Variants in TNKS observed in about 807,000 individuals in gnomAD.
TNKS encodes tankyrase, also known as poly [ADP-ribose] polymerase tankyrase-1.
A neutral mutation model predicts 135.8 loss-of-function variants in TNKS; 72 were observed. The ratio of observed to expected loss-of-function variants is 0.53; its 90% CI spans 0.44 to 0.64. TNKS has a LOEUF of 0.64. TNKS is among the 30% of genes least tolerant of loss of function. The pLI is 0.00. For missense variants in TNKS, 1,769 were observed against 1,674.0 expected, an observed-to-expected ratio of 1.06 and a Z score of -0.99; for synonymous variants, 849 against 649.3, an observed-to-expected ratio of 1.31 and a Z score of -4.68.
chr8:9,708,966 C>G (rs1804187200), intron 9 of TNKS, among the ~76,000 whole-genome samples: 1 of 146,014 alleles, frequency 6.8e-6, no homozygotes. Context: ...TGATACTATA[C>G]AAATTATTCT....
intron 22 of TNKS, 125 bp downstream of exon 22, chr8:9,763,369 C>T (rs1229008811): frequency 2.0e-6 from 1 of 491,914 alleles, no homozygotes; most frequent in African/African-American, 2.0e-5. Context: ...CTGTCTTAGC[C>T]ACTGTGGTAG....
At chr8:9,581,570 A>G (rs762694830) in intron 2 of TNKS, among the ~76,000 whole-genome samples, 18 of 152,144 alleles carry the variant, frequency 1.2e-4, no homozygotes, top group East Asian at 1.9e-4. Flanking sequence ...AATGATAACT[A>G]TTATTGAGCT....
In TNKS at chr8:9,766,402, C is replaced by T; in HGVS notation, c.3717C>T (p.Asp1239=). Reference sequence around the variant, plus strand: ...GAACAGGCTGCCCTACACACAAGGACAGGTCATGCTATATATGTCACAGGT... The same window carrying T: ...GAACAGGCTGCCCTACACACAAGGATAGGTCATGCTATATATGTCACAGGT... ...GGGTGCPTHK[D]RSCYICHRQM... Residue 1239 remains aspartate, a synonymous_variant, in exon 25 of 27, where the codon GAC becomes GAT. Coordinates refer to ENST00000310430, the MANE Select transcript of TNKS (RefSeq NM_003747.3). 6.2e-7 allele frequency: 1 copy of T among 1,610,672 alleles called. No homozygotes were observed. The highest frequency in any genetic ancestry group is 1.7e-4 in the Middle Eastern group (1 of 6,046).
intron 3 of TNKS, among the ~76,000 whole-genome samples, chr8:9,626,332 A>AT (rs770833974): frequency 3.9e-5 from 6 of 152,232 alleles, no homozygotes; most frequent in South Asian, 2.1e-4. Flanking sequence ...TAGTTGAGTC[A>AT]TTTTTTCTCA....
At position 9,615,565 on chromosome 8, in the gene TNKS, C is replaced by G. The variant is rs745925668; in HGVS notation, c.899-17C>G. 89 of 1,604,980 alleles carry G rather than the reference C, an allele frequency of 5.5e-5. No individual in the cohort carries two copies. Among genetic ancestry groups the G allele is most frequent in the Non-Finnish European group, 7.4e-5 (87 of 1,175,022 alleles). On this transcript the variant is annotated splice_polypyrimidine_tract_variant and intron_variant, in intron 2 of 26. Coordinates refer to ENST00000310430, the MANE Select transcript of TNKS (RefSeq NM_003747.3). Reference sequence around the variant, plus strand: ...GTATCCCCGAGGTAAGATACTGTTTCTGCTTTCCCTGCACAGTGCTGCTGC... The same window carrying G: ...GTATCCCCGAGGTAAGATACTGTTTGTGCTTTCCCTGCACAGTGCTGCTGC...
chr8:9,735,333 C>T (rs1323340041), intron 16 of TNKS, 44 bp from the exon 17 acceptor site: 1 of 1,544,654 alleles, frequency 6.5e-7, no homozygotes. Context: ...TATTTTTTTT[C>T]CTTTAAGCTG....
At chr8:9,559,218 A>T (rs1373821854) in intron 1 of TNKS, among the ~76,000 whole-genome samples, 1 of 152,144 alleles carries the variant, frequency 6.6e-6, no homozygotes, top group Non-Finnish European at 1.5e-5. Context: ...ATCTAGAGTG[A>T]TAGGAAACGT....
At chr8:9,610,298 AATAT>A (rs1554448489) in intron 2 of TNKS, among the ~76,000 whole-genome samples, 3 of 142,136 alleles carry the variant, frequency 2.1e-5, no homozygotes, top group Admixed American at 1.4e-4. Context: ...AAAAATCTAT[AATAT>A]ATATATACTG....
At chr8:9,763,523 C>G (rs1273456591) in intron 22 of TNKS, among the ~76,000 whole-genome samples, 1 of 152,156 alleles carries the variant, frequency 6.6e-6, no homozygotes, top group Non-Finnish European at 1.5e-5. Flanking sequence ...CCTATTACAA[C>G]TATTTTCTTA....
chr8:9,597,874 A>G (rs920029133), intron 2 of TNKS, among the ~76,000 whole-genome samples: 22 of 152,172 alleles, frequency 1.4e-4, no homozygotes, highest in Non-Finnish European at 2.6e-4. Flanking sequence ...GAAGTGAAAT[A>G]TGTGATTCAA....
chr8:9,726,723 A>G lies in TNKS; in HGVS notation c.2001+3A>G. The G allele has an allele frequency of 6.2e-7, 1 of 1,610,924 alleles. No individual in the cohort carries two copies. Among genetic ancestry groups the G allele is most frequent in the Non-Finnish European group, 8.5e-7 (1 of 1,178,268 alleles). On this transcript the variant is annotated splice_donor_region_variant and intron_variant, in intron 13 of 26. Coordinates refer to ENST00000310430, the MANE Select transcript of TNKS (RefSeq NM_003747.3). The stretch of plus-strand genomic sequence containing the variant: ...CTGGAGACTTGGAAACTGTGAAGGT[A>G]AGTCAGTGCCCTTAATATCTGGAAT...
At chr8:9,759,791 G>A (rs199947670) in intron 20 of TNKS, among the ~76,000 whole-genome samples, 27 of 151,968 alleles carry the variant, frequency 1.8e-4, no homozygotes, top group Admixed American at 6.6e-4. Context: ...TGGCTAACAC[G>A]GTGAAACCCC....
intron 13 of TNKS, among the ~76,000 whole-genome samples, chr8:9,729,307 C>G (rs962209705): frequency 1.3e-5 from 2 of 152,182 alleles, no homozygotes; most frequent in Non-Finnish European, 2.9e-5. Flanking sequence ...CCGTAGCACT[C>G]CTACTTCCTC....
intron 3 of TNKS, among the ~76,000 whole-genome samples, chr8:9,627,779 A>G (rs1167199566): frequency 6.6e-6 from 1 of 152,202 alleles, no homozygotes; most frequent in Non-Finnish European, 1.5e-5. Context: ...GTCAGATTTC[A>G]CTTTATAATC....
intron 3 of TNKS, among the ~76,000 whole-genome samples, chr8:9,655,583 C>G (rs1005233277): frequency 6.6e-6 from 1 of 152,186 alleles, no homozygotes; most frequent in Non-Finnish European, 1.5e-5. Context: ...TTGCGGTTCA[C>G]CAATATCCGC....
intron 3 of TNKS, among the ~76,000 whole-genome samples, chr8:9,651,050 CA>C (rs5889295): frequency 0.96 from 146,514 of 152,192 alleles, 70,689 homozygotes; most frequent in East Asian, 1. Flanking sequence ...CCAATTATAC[CA>C]ACACCATTTG....
At chr8:9,717,187 C>T (rs1032262726) in intron 11 of TNKS, among the ~76,000 whole-genome samples, 1 of 147,196 alleles carries the variant, frequency 6.8e-6, no homozygotes, top group Non-Finnish European at 1.5e-5. Flanking sequence ...AAATAGAAAT[C>T]CAGTTCCGTA....
chr8:9,670,599 G>A (rs1802230846), intron 3 of TNKS: 1 of 152,066 alleles, frequency 6.6e-6, no homozygotes, highest in Admixed American at 6.6e-5. Flanking sequence ...TGGGTGTGCT[G>A]GTATAAACTT....
intron 2 of TNKS, among the ~76,000 whole-genome samples, chr8:9,611,542 AAT>A (rs1436488452): frequency 6.6e-6 from 1 of 152,188 alleles, no homozygotes; most frequent in African/African-American, 2.4e-5. Context: ...ATTTTGTGTT[AAT>A]AGTCACATTT....
Sources: gnomAD v4.1 joint callset for allele counts (sites outside exome capture counted in the v4.1 genomes callset) on GRCh38, gnomAD v4.1.1 for gene constraint, MANE v1.5 for transcripts, NCBI Gene and HGNC (gene_info 2026-07-23, HGNC 2026-07-21) for gene names.